Variants in ZNF536 observed in about 807,000 individuals in gnomAD.
ZNF536 encodes the protein zinc finger protein 536.
In ZNF536, 13 loss-of-function variants were observed where a neutral mutation model predicts 84.5. That is an observed-to-expected ratio of 0.15 (90% CI 0.10 to 0.24). ZNF536 has a LOEUF of 0.24. Among genes scored for constraint, ZNF536 ranks in the 10% least tolerant of loss-of-function variants. ZNF536 has a pLI of 1.00. For missense variants in ZNF536, 1,536 were observed against 1,747.5 expected, an observed-to-expected ratio of 0.88 and a Z score of 2.16; for synonymous variants, 811 against 742.5, an observed-to-expected ratio of 1.09 and a Z score of -1.50.
At chr19:30,403,466 T>G (rs1188459199) in intron 1 of ZNF536, among the ~76,000 whole-genome samples, 1 of 152,218 alleles carries the variant, frequency 6.6e-6, no homozygotes, top group Non-Finnish European at 1.5e-5. Flanking sequence ...GTCATCGTTG[T>G]GGCATTTGGG....
At chr19:30,263,761 G>A (rs1158512078) in intron 1 of ZNF536, among the ~76,000 whole-genome samples, 4 of 152,006 alleles carry the variant, frequency 2.6e-5, no homozygotes, top group Non-Finnish European at 5.9e-5. Flanking sequence ...ATCAGACCCC[G>A]CGTTTCCATT....
intron 1 of ZNF536, among the ~76,000 whole-genome samples, chr19:30,611,238 C>T (rs1469358684): frequency 2.0e-5 from 3 of 152,252 alleles, no homozygotes; most frequent in East Asian, 3.9e-4. Context: ...AGTCTCCTCT[C>T]TTCCCATCCC....
At chr19:30,651,580 T>C (rs573297249) in intron 1 of ZNF536, among the ~76,000 whole-genome samples, 2 of 152,342 alleles carry the variant, frequency 1.3e-5, no homozygotes, top group African/African-American at 4.8e-5. Flanking sequence ...GTAATTAAAA[T>C]TCTGTCTGCA....
rs757667624 is a variant in ZNF536, at chr19:30,548,452, C to T, written c.2833C>T (p.Pro945Ser). The T allele has an allele frequency of 3.7e-6, 6 of 1,614,186 alleles. No individual in the cohort carries two copies. Among genetic ancestry groups the T allele is most frequent in the Non-Finnish European group, 5.1e-6 (6 of 1,180,040 alleles). Residue 945 changes from proline (P) to serine (S), a missense_variant, in exon 4 of 5, where the codon CCT (proline) becomes TCT (serine). Pro to Ser is a moderately conservative substitution (Grantham distance 74). Around this residue, in one of 8 missense-constraint regions of ZNF536, gnomAD observed 624 missense variants for 603.1 expected, o/e 1.03. Transcript: ENST00000355537. ...DMKDKALADP[P>S]SMKVHGVDGG... is the part of the protein sequence containing the mutation. ...GAAGGACAAAGCCCTGGCTGACCCC[C>T]CTTCCATGAAAGTCCACGGAGTGGA...
At chr19:30,431,732 G>A (rs1041162049) in intron 1 of ZNF536, among the ~76,000 whole-genome samples, 3 of 152,168 alleles carry the variant, frequency 2.0e-5, no homozygotes, top group Admixed American at 1.3e-4. Flanking sequence ...CTATTCCCTG[G>A]CTGCTGCTGC....
chr19:30,419,856 A>G (rs2050878901), intron 1 of ZNF536, among the ~76,000 whole-genome samples: 1 of 152,164 alleles, frequency 6.6e-6, no homozygotes, highest in African/African-American at 2.4e-5. Flanking sequence ...CATCCTTTCC[A>G]GGCACGGAGA....
Position 30,709,897 on chromosome 19 carries a change from G to T in ZNF536, c.170-860G>T, listed in dbSNP as rs144280448. The stretch of plus-strand genomic sequence containing the variant: ...CTCCCAAAGTGTTGGGATTCCAGGC[G>T]TGAGCCACTGTGTCCAGCAATTGTT... On this transcript the variant is annotated intron_variant, in intron 1 of 1. Coordinates refer to the ZNF536 transcript ENST00000592773. Among the ~76,000 whole-genome samples, 31 of 152,248 alleles carry T rather than the reference G, an allele frequency of 2.0e-4. 1 individual carries two copies. The East Asian group carries it at 6.0e-3, about 29-fold the overall frequency.
chr19:30,252,300 A>G (rs1240382923), intron 1 of ZNF536, among the ~76,000 whole-genome samples: 1 of 152,226 alleles, frequency 6.6e-6, no homozygotes, highest in Admixed American at 6.5e-5. Context: ...ACTTTAAAAA[A>G]TATCTTCTAT....
intron 1 of ZNF536, among the ~76,000 whole-genome samples, chr19:30,269,611 G>A (rs920239934): frequency 3.9e-5 from 6 of 152,104 alleles, no homozygotes; most frequent in African/African-American, 9.7e-5. Context: ...TTGAGATTTC[G>A]ACATTTGGGT....
In ZNF536 at chr19:30,547,980, C is replaced by T. The variant is rs200755943; in HGVS notation, c.2361C>T (p.Ala787=). Residue 787 remains alanine, a synonymous_variant, in exon 4 of 5, where the codon GCC becomes GCT. Coordinates refer to ENST00000355537, the MANE Select transcript of ZNF536 (RefSeq NM_014717.3). ...ACAAGTGTCCGCACTGTGACTATGCCGGCACGCAGTCAGCATCCTTAAAAT... is the reference window on the plus strand; with the variant it reads ...ACAAGTGTCCGCACTGTGACTATGCTGGCACGCAGTCAGCATCCTTAAAAT... ...KPYKCPHCDY[A]GTQSASLKYH... The T allele has an allele frequency of 3.1e-5, 50 of 1,591,118 alleles. No homozygotes were observed. Among genetic ancestry groups the T allele is most frequent in the Middle Eastern group, 3.4e-4 (2 of 5,910 alleles).
exon 2 of ZNF536, chr19:30,712,351 T>C (rs2052478276): frequency 6.6e-6 from 1 of 151,618 alleles, no homozygotes. Context: ...TTGAGTGACA[T>C]GAAATTGGTG....
chr19:30,468,770 G>A (rs1196347220), intron 2 of ZNF536, among the ~76,000 whole-genome samples: 6 of 152,118 alleles, frequency 3.9e-5, no homozygotes, highest in Admixed American at 2.0e-4. Context: ...CCTGGGCACC[G>A]ATGCCCATCG....
chr19:30,538,410 G>C (rs546511110), intron 3 of ZNF536, among the ~76,000 whole-genome samples: 1 of 152,200 alleles, frequency 6.6e-6, no homozygotes, highest in South Asian at 2.1e-4. Flanking sequence ...TGGAAGTCTC[G>C]ATCATGTAAC....
chr19:30,335,819 C>T (rs1057077818), intron 2 of ZNF536, among the ~76,000 whole-genome samples: 8 of 152,192 alleles, frequency 5.3e-5, no homozygotes, highest in African/African-American at 1.9e-4. Flanking sequence ...TCCCCTTCAG[C>T]TGCTGCAACT....
intron 2 of ZNF536, among the ~76,000 whole-genome samples, chr19:30,337,233 T>C (rs1213952761): frequency 6.6e-6 from 1 of 152,132 alleles, no homozygotes; most frequent in East Asian, 1.9e-4. Flanking sequence ...CACTGGACGC[T>C]CCCAGCCCGG....
chr19:30,414,201 GT>G (rs1264377880), intron 1 of ZNF536, among the ~76,000 whole-genome samples: 21 of 146,146 alleles, frequency 1.4e-4, no homozygotes, highest in African/African-American at 5.3e-4. Context: ...TTTTATTGAT[GT>G]TGCTTTGTAT....
rs556258481 is a variant in ZNF536 at position 30,686,503 on chromosome 19, G to A, written c.170-24254G>A. 5.3e-5 allele frequency among the ~76,000 whole-genome samples: 8 copies of A among 152,326 alleles called. No homozygotes were observed. In the East Asian group the frequency reaches 1.4e-3, roughly 26 times the overall value. On this transcript the variant is annotated intron_variant, in intron 1 of 1. Transcript: ENST00000592773. Reference sequence around the variant, plus strand: ...CCCCCAAGTGGGGCTCACACAGGGCGCGGTGGCCTCCCCTGGCACCGTGGC... The same window carrying A: ...CCCCCAAGTGGGGCTCACACAGGGCACGGTGGCCTCCCCTGGCACCGTGGC...
rs371471214 is a variant in ZNF536 at position 30,510,862 on chromosome 19, C to G, written c.2171-23985C>G. Among the ~76,000 whole-genome samples the G allele has an allele frequency of 1.1e-4, 16 of 152,326 alleles. 1 individual carries two copies. The highest frequency in any genetic ancestry group is 3.6e-4 in the African/African-American group (15 of 41,586). On this transcript the variant is annotated intron_variant, in intron 2 of 4. Coordinates refer to ENST00000355537, the MANE Select transcript of ZNF536 (RefSeq NM_014717.3). Reference sequence around the variant, plus strand: ...AGAGTGACATCTTCTTGTCCCCGACCTGAGATGCTGATCAGCATTGTAGCT... The same window carrying G: ...AGAGTGACATCTTCTTGTCCCCGACGTGAGATGCTGATCAGCATTGTAGCT...
chr19:30,612,432 GGGTGCCCAC>G (rs2048135268), intron 1 of ZNF536, among the ~76,000 whole-genome samples: 1 of 152,118 alleles, frequency 6.6e-6, no homozygotes. Context: ...AGAGGAAACG[GGGTGCCCAC>G]TTGATTCTCA....
Sources: gnomAD v4.1 joint callset for allele counts (sites outside exome capture counted in the v4.1 genomes callset) on GRCh38, gnomAD v4.1.1 for gene constraint, gnomAD v4.1.1 regional missense constraint, MANE v1.5 for transcripts, NCBI Gene and HGNC (gene_info 2026-07-23, HGNC 2026-07-21) for gene names.